Variants in TLX3 observed in about 807,000 individuals in gnomAD.
The protein encoded by TLX3 is T cell leukemia homeobox 3.
A neutral mutation model predicts 19.6 loss-of-function variants in TLX3; 11 were observed. The ratio of observed to expected loss-of-function variants is 0.56; its 90% confidence interval spans 0.35 to 0.93. The LOEUF (loss-of-function observed/expected upper bound fraction) is 0.93, where lower values mean the gene tolerates loss of function less well. Ranked by LOEUF, TLX3 falls within the 40% of genes least tolerant of loss-of-function variation. The pLI, the probability that TLX3 is intolerant of heterozygous loss-of-function variation, is 0.01. For missense variants in TLX3, 375 were observed against 418.6 expected, an observed-to-expected ratio of 0.90 and a Z score of 0.91; for synonymous variants, 221 against 188.1, an observed-to-expected ratio of 1.17 and a Z score of -1.43.
chr5:171,309,324 G>GCCAACCC lies in TLX3; in HGVS notation c.-40_-39insAACCCCC. 1.6e-6 allele frequency: 2 copies of GCCAACCC among 1,259,508 alleles called. No individual in the cohort carries two copies. The allele number at this position is 1,259,508 out of a possible 1,614,324, so 78.0% of individuals were successfully genotyped here. A position where few individuals can be genotyped will look rare whatever the true frequency, so the allele number is the denominator to read the frequency against. On this transcript the variant is annotated 5_prime_UTR_variant, in exon 1 of 3. Coordinates refer to ENST00000296921, the MANE Select transcript of TLX3 (RefSeq NM_021025.4). Reference sequence around the variant, plus strand: ...GCCGCGCCGTAACGGGGACCCAGCCGCCTCCCCGCCCAGCCCAGCCCAGCC... The same window carrying GCCAACCC: ...GCCGCGCCGTAACGGGGACCCAGCCGCCAACCCCCTCCCCGCCCAGCCCAGCCCAGCC...
rs780344236 is a variant in TLX3, at chr5:171,310,224, C to A, written c.496C>A (p.Arg166Ser). Residue 166 changes from arginine to serine, a missense_variant, in exon 2 of 3, where the codon CGT (arginine) becomes AGT (serine). Arg to Ser is a moderately radical substitution (Grantham distance 110). Around this residue, in one of 3 missense-constraint regions of TLX3, gnomAD observed 74 missense variants for 138.6 expected, o/e 0.53. Transcript: ENST00000296921. ...CTACCAGAACCGGACGCCGCCCAAGCGTAAGAAGCCGCGCACGTCCTTTTC... is the reference window on the plus strand; with the variant it reads ...CTACCAGAACCGGACGCCGCCCAAGAGTAAGAAGCCGCGCACGTCCTTTTC... ...HPYQNRTPPK[R>S]KKPRTSFSRV... 2 of 1,557,178 alleles carry A rather than the reference C, an allele frequency of 1.3e-6. No homozygotes were observed. Among genetic ancestry groups the A allele is most frequent in the African/African-American group, 1.4e-5 (1 of 73,336 alleles).
chr5:171,309,773 A>G lies in TLX3; in HGVS notation c.408A>G (p.Lys136=). The G allele has an allele frequency of 3.1e-6, 5 of 1,604,856 alleles. No individual in the cohort carries two copies. Among genetic ancestry groups the G allele is most frequent in the Non-Finnish European group, 4.3e-6 (5 of 1,176,040 alleles). ...TGGAGAGCAGCCGCCGCTTCGTGAA[A>G]GACCGCTTCACAGGTGAGCAGAGCT... The part of the protein sequence containing the change: ...PWMESSRRFV[K]DRFTAAAALT... Residue 136 remains lysine (K), a synonymous_variant, in exon 1 of 3, where the codon AAA becomes AAG. Transcript: ENST00000296921.
intron 2 of TLX3, among the ~76,000 whole-genome samples, chr5:171,310,731 GGCA>G (rs1769206454): frequency 6.1e-5 from 1 of 16,462 alleles, no homozygotes; most frequent in African/African-American, 2.1e-4. Flanking sequence ...CAAACACACA[GGCA>G]CACACACACA....
chr5:171,309,327 T>TCG lies in TLX3; in HGVS notation c.-38_-37insGC. On this transcript the variant is annotated 5_prime_UTR_variant, in exon 1 of 3. Transcript: ENST00000296921. ...GCGCCGTAACGGGGACCCAGCCGCC[T>TCG]CCCCGCCCAGCCCAGCCCAGCCCTT... 1 of 976,976 alleles carries TCG rather than the reference T, an allele frequency of 1.0e-6. No homozygotes were observed. Among genetic ancestry groups the TCG allele is most frequent in the Non-Finnish European group, 1.5e-6 (1 of 668,410 alleles). 60.5% of individuals were successfully genotyped at this position (976,976 alleles called of 1,614,324 possible).
At chr5:171,310,740 A>G (rs1240835268) in intron 2 of TLX3, among the ~76,000 whole-genome samples, 2 of 115,732 alleles carry the variant, frequency 1.7e-5, no homozygotes, top group African/African-American at 6.7e-5. Context: ...AGGCACACAC[A>G]CACACACACA....
At chr5:171,310,084 T>C in intron 1 of TLX3, 66 bp from the exon 2 acceptor site, 1 of 1,488,126 alleles carries the variant, frequency 6.7e-7, no homozygotes. Flanking sequence ...CGCCACGGGG[T>C]CCGCATGGGG....
At position 171,309,327 on chromosome 5, in the gene TLX3, T is replaced by TTCCCCCCCCC; in HGVS notation, c.-39_-38insTCCCCCCCCC. On this transcript the variant is annotated 5_prime_UTR_variant, in exon 1 of 3. Transcript: ENST00000296921. ...GCGCCGTAACGGGGACCCAGCCGCC[T>TTCCCCCCCCC]CCCCGCCCAGCCCAGCCCAGCCCTT... The TTCCCCCCCCC allele has an allele frequency of 1.0e-6, 1 of 976,972 alleles. No individual in the cohort carries two copies. 60.5% of individuals were successfully genotyped at this position (976,972 alleles called of 1,614,324 possible). A position where few individuals can be genotyped will look rare whatever the true frequency, so the allele number is the denominator to read the frequency against.
Position 171,309,685 on chromosome 5 carries a change from C to T in TLX3, c.320C>T (p.Ala107Val), listed in dbSNP as rs1458249590. 1 of 1,609,728 alleles carries T rather than the reference C, an allele frequency of 6.2e-7. No homozygotes were observed. ...PGAVPPPLPS[A>V]LPAMPSVPTV... ...GCCGTGCCACCGCCTCTGCCAAGCG[C>T]GCTACCCGCCATGCCCTCCGTGCCC... Residue 107 changes from alanine (A) to valine (V), a missense_variant, in exon 1 of 3, where the codon GCG (alanine) becomes GTG (valine). Coordinates refer to ENST00000296921, the MANE Select transcript of TLX3 (RefSeq NM_021025.4).
At position 171,309,355 on chromosome 5, in the gene TLX3, G is replaced by GACCC; in HGVS notation, c.-11_-10insACCC. On this transcript the variant is annotated 5_prime_UTR_variant, in exon 1 of 3. Transcript: ENST00000296921. ...CCGCCCAGCCCAGCCCAGCCCTTCC[G>GACCC]CCCGCCCAGGATGGAGGCGCCCGCC... is the stretch of plus-strand genomic sequence containing the variant. 2.6e-6 allele frequency: 2 copies of GACCC among 757,926 alleles called. No individual in the cohort carries two copies. Among genetic ancestry groups the GACCC allele is most frequent in the African/African-American group, 2.2e-5 (1 of 45,386 alleles). The allele number at this position is 757,926 out of a possible 1,614,324, so 47.0% of individuals were successfully genotyped here. A position where few individuals can be genotyped will look rare whatever the true frequency, so the allele number is the denominator to read the frequency against.
Position 171,310,254 on chromosome 5 carries a change from G to C in TLX3, c.526G>C (p.Val176Leu), listed in dbSNP as rs747812787. The stretch of plus-strand genomic sequence containing the variant: ...GAAGCCGCGCACGTCCTTTTCCCGG[G>C]TGCAGATCTGCGAGCTGGAAAAGCG... ...RKKPRTSFSRVQICELEKRFH... is the reference protein window; with the variant it reads ...RKKPRTSFSRLQICELEKRFH... The change falls in exon 2 of 3, where the codon GTG (valine) becomes CTG (leucine). Residue 176 changes from valine to leucine, a missense_variant. Physicochemically the swap from Val to Leu is conservative, Grantham distance 32. Transcript: ENST00000296921. 2.5e-6 allele frequency: 4 copies of C among 1,571,428 alleles called. No individual in the cohort carries two copies. The East Asian group carries it at 9.5e-5, about 38-fold the overall frequency.
chr5:171,310,508 C>A, intron 2 of TLX3, 115 bp downstream of exon 2: 1 of 1,297,124 alleles, frequency 7.7e-7, no homozygotes, highest in Non-Finnish European at 1.0e-6. Flanking sequence ...CCCCCCTCTG[C>A]CTCCCCCAAA....
intron 2 of TLX3, among the ~76,000 whole-genome samples, chr5:171,310,732 G>GCACA (rs57258058): frequency 6.8e-5 from 3 of 43,924 alleles, no homozygotes; most frequent in South Asian, 2.1e-3. Flanking sequence ...AAACACACAG[G>GCACA]CACACACACA....
At position 171,309,672 on chromosome 5, in the gene TLX3, C is replaced by A. The variant is rs552364638; in HGVS notation, c.307C>A (p.Pro103Thr). 3 of 1,609,212 alleles carry A rather than the reference C, an allele frequency of 1.9e-6. No individual in the cohort carries two copies. Among genetic ancestry groups the A allele is most frequent in the African/African-American group, 2.7e-5 (2 of 74,854 alleles). Reference sequence around the variant, plus strand: ...GCCGCTGCCCGGGGCCGTGCCACCGCCTCTGCCAAGCGCGCTACCCGCCAT... The same window carrying A: ...GCCGCTGCCCGGGGCCGTGCCACCGACTCTGCCAAGCGCGCTACCCGCCAT... ...HRPLPGAVPP[P>T]LPSALPAMPS... The change falls in exon 1 of 3, where the codon CCT becomes ACT. Residue 103 changes from proline to threonine, a missense_variant. Coordinates refer to ENST00000296921, the MANE Select transcript of TLX3 (RefSeq NM_021025.4).
In TLX3 at chr5:171,310,403, G is replaced by T. The variant is rs1190479647; in HGVS notation, c.665+10G>T. The T allele has an allele frequency of 6.2e-7, 1 of 1,611,442 alleles. No homozygotes were observed. The highest frequency in any genetic ancestry group is 1.1e-5 in the South Asian group (1 of 90,540). ...GGAGGACCAAGTGGCGGTGAGAGAGGCCTGACCCGGCCCACCTTACACCTG... is the reference window on the plus strand; with the variant it reads ...GGAGGACCAAGTGGCGGTGAGAGAGTCCTGACCCGGCCCACCTTACACCTG... On this transcript the variant is annotated intron_variant, in intron 2 of 2. Transcript: ENST00000296921.
Position 171,311,877 on chromosome 5 carries a change from A to T in TLX3, c.*278A>T, listed in dbSNP as rs576230815. The T allele has an allele frequency of 7.0e-6, 2 of 287,414 alleles. No homozygotes were observed. The highest frequency in any genetic ancestry group is 1.3e-5 in the Non-Finnish European group (2 of 156,680). The allele number at this position is 287,414 out of a possible 1,614,324, so 17.8% of individuals were successfully genotyped here. A position where few individuals can be genotyped will look rare whatever the true frequency, so the allele number is the denominator to read the frequency against. On this transcript the variant is annotated 3_prime_UTR_variant, in exon 3 of 3. Transcript: ENST00000296921. The surrounding 1 kb of genome is among the most constrained non-coding windows in gnomAD (Gnocchi z 5.1). ...TTACGTTTCTCCGCCCCCCGCCCGC[A>T]CCCCCCGGGCCGGGCGCCTGTATTA...
Position 171,311,084 on chromosome 5 carries a change from C to T in TLX3, c.666-305C>T, listed in dbSNP as rs879353241. On this transcript the variant is annotated intron_variant, in intron 2 of 2. Coordinates refer to ENST00000296921, the MANE Select transcript of TLX3 (RefSeq NM_021025.4). This position sits in a 1 kb window ranked among gnomAD's most constrained non-coding sequence, Gnocchi z 5.1. ...GGGCCAAGTCAGTTACACATAGGCC[C>T]TGCCCTTGCTATCTGGCGAAAGGAA... Among the ~76,000 whole-genome samples, 4 of 152,178 alleles carry T rather than the reference C, an allele frequency of 2.6e-5. No homozygotes were observed. The highest frequency in any genetic ancestry group is 4.4e-5 in the Non-Finnish European group (3 of 68,040).
At chr5:171,310,944 G>A (rs1015741732) in intron 2 of TLX3, among the ~76,000 whole-genome samples, 1 of 152,054 alleles carries the variant, frequency 6.6e-6, no homozygotes, top group Non-Finnish European at 1.5e-5. Flanking sequence ...TCTGGAAAGG[G>A]GTTCAAGACA....
rs1769218076 is a variant in TLX3 at position 171,311,369 on chromosome 5, C to G, written c.666-20C>G. 6.5e-7 allele frequency: 1 copy of G among 1,547,720 alleles called. No individual in the cohort carries two copies. Among genetic ancestry groups the G allele is most frequent in the African/African-American group, 1.4e-5 (1 of 72,878 alleles). ...TGCCGGGTGCATGACGGTACTGTCCCTCTCCCTCCCCCGGTGCAGGCGGCA... is the reference window on the plus strand; with the variant it reads ...TGCCGGGTGCATGACGGTACTGTCCGTCTCCCTCCCCCGGTGCAGGCGGCA... On this transcript the variant is annotated intron_variant, in intron 2 of 2. Coordinates refer to ENST00000296921, the MANE Select transcript of TLX3 (RefSeq NM_021025.4). This position sits in a 1 kb window ranked among gnomAD's most constrained non-coding sequence, Gnocchi z 5.1.
chr5:171,309,426 G>A lies in TLX3; in HGVS notation c.61G>A (p.Asp21Asn). ...HPHEPISFGI[D>N]QILNSPDQDS... ...GCACGAGCCCATCAGCTTCGGCATC[G>A]ACCAGATCCTTAACAGCCCGGACCA... Residue 21 changes from aspartate to asparagine, a missense_variant, in exon 1 of 3, where the codon GAC becomes AAC. Physicochemically the swap from Asp to Asn is conservative, Grantham distance 23. Around this residue, in one of 3 missense-constraint regions of TLX3, gnomAD observed 239 missense variants for 217.0 expected, o/e 1.10. Coordinates refer to ENST00000296921, the MANE Select transcript of TLX3 (RefSeq NM_021025.4). 1 of 1,605,250 alleles carries A rather than the reference G, an allele frequency of 6.2e-7. No homozygotes were observed.
Sources: allele counts gnomAD v4.1 joint callset (sites outside exome capture counted in the v4.1 genomes callset), GRCh38; gene constraint gnomAD v4.1.1; regional missense constraint gnomAD v4.1.1; non-coding constraint Gnocchi (gnomAD v3.1); transcripts MANE v1.5; gene names NCBI Gene and HGNC (gene_info 2026-07-23, HGNC 2026-07-21).